The following CLIP4 variants were observed in gnomAD, a reference collection of about 807,000 sequenced individuals.
CLIP4 encodes CAP-Gly domain-containing linker protein 4.
CLIP4 carries 47 observed loss-of-function variants against 73.1 expected under a neutral mutation model. The ratio of observed to expected loss-of-function variants is 0.64; its 90% CI spans 0.51 to 0.82. The LOEUF (loss-of-function observed/expected upper bound fraction) is 0.82. Among genes scored for constraint, CLIP4 ranks in the 40% least tolerant of loss-of-function variants. The pLI is 0.00. For synonymous variants in CLIP4, 306 were observed against 295.4 expected (o/e 1.04, Z -0.37); for missense variants, 874 against 852.9 (o/e 1.02, Z -0.31).
intron 6 of CLIP4, among the ~76,000 whole-genome samples, chr2:29,137,148 C>T (rs1169247632): frequency 6.6e-6 from 1 of 151,974 alleles, no homozygotes; most frequent in African/African-American, 2.4e-5. Flanking sequence ...AGTGAACATA[C>T]CCTAGCCCTT....
intron 1 of CLIP4, among the ~76,000 whole-genome samples, chr2:29,098,939 A>G (rs1032441296): frequency 3.3e-5 from 5 of 152,292 alleles, no homozygotes; most frequent in South Asian, 2.1e-4. Context: ...GGTTGTTTTA[A>G]TCTGCAGCTC....
At chr2:29,157,373 T>G in intron 11 of CLIP4, 26 bp downstream of exon 11, 1 of 1,613,884 alleles carries the variant, frequency 6.2e-7, no homozygotes, top group Non-Finnish European at 8.5e-7. Context: ...TCAACCAGGC[T>G]TTCTTGGTGT....
Position 29,133,835 on chromosome 2 carries a change from C to T in CLIP4, c.529+19C>T, listed in dbSNP as rs202126910. On this transcript the variant is annotated intron_variant, in intron 5 of 15. Transcript: ENST00000320081. ...CCAAAAGGCAAGTATTATAAGATCACCTTTAGATATTATTAACTGAACACT... is the reference window on the plus strand; with the variant it reads ...CCAAAAGGCAAGTATTATAAGATCATCTTTAGATATTATTAACTGAACACT... 1.1e-4 allele frequency: 178 copies of T among 1,558,716 alleles called. 1 individual carries two copies. Among genetic ancestry groups the T allele is most frequent in the South Asian group, 2.3e-4 (19 of 83,016 alleles).
chr2:29,126,044 G>A lies in CLIP4; in HGVS notation c.133+4523G>A, dbSNP rs190547834. Among the ~76,000 whole-genome samples, 578 of 152,140 alleles carry A rather than the reference G, an allele frequency of 3.8e-3. 3 individuals carry two copies. The highest frequency in any genetic ancestry group is 0.013 in the African/African-American group (541 of 41,498). On this transcript the variant is annotated intron_variant, in intron 2 of 15. Transcript: ENST00000320081. Reference sequence around the variant, plus strand: ...ACAAAAATTAGCCGTGTGTGGTGGCGTGCGCCTGTGGTCCCAGCTACTTGG... The same window carrying A: ...ACAAAAATTAGCCGTGTGTGGTGGCATGCGCCTGTGGTCCCAGCTACTTGG...
intron 6 of CLIP4, among the ~76,000 whole-genome samples, chr2:29,139,930 T>C (rs1464598304): frequency 2.0e-5 from 3 of 152,104 alleles, no homozygotes; most frequent in South Asian, 2.1e-4. Flanking sequence ...GAACCATCTT[T>C]TCATTTTGCT....
At chr2:29,104,432 C>A (rs189918037) in intron 1 of CLIP4, among the ~76,000 whole-genome samples, 1 of 151,918 alleles carries the variant, frequency 6.6e-6, no homozygotes, top group Non-Finnish European at 1.5e-5. Context: ...CATGCCACCA[C>A]GCCCAGCTAA....
intron 14 of CLIP4, among the ~76,000 whole-genome samples, chr2:29,172,885 C>CT (rs1255623609): frequency 6.6e-6 from 1 of 151,786 alleles, no homozygotes; most frequent in Non-Finnish European, 1.5e-5. Context: ...GTCTTTTTTT[C>CT]TTTTTTCAAA....
intron 2 of CLIP4, among the ~76,000 whole-genome samples, chr2:29,129,844 T>A (rs1358521752): frequency 2.6e-5 from 4 of 152,202 alleles, no homozygotes; most frequent in Non-Finnish European, 5.9e-5. Context: ...CAAATTATTC[T>A]TTGTAAAGTT....
chr2:29,163,294 G>C (rs909775302), intron 12 of CLIP4, among the ~76,000 whole-genome samples: 1 of 151,548 alleles, frequency 6.6e-6, no homozygotes, highest in African/African-American at 2.4e-5. Context: ...TTTTACCTTG[G>C]GTGGAAAAAA....
At chr2:29,176,525 G>A (rs530707439) in intron 15 of CLIP4, among the ~76,000 whole-genome samples, 8 of 152,276 alleles carry the variant, frequency 5.3e-5, no homozygotes, top group Admixed American at 3.3e-4. Flanking sequence ...TCTCGATCAC[G>A]TATAGAAATG....
rs925725910 is a variant in CLIP4 at position 29,103,578 on chromosome 2, T to C, written c.-16+5631T>C. Among the ~76,000 whole-genome samples the C allele has an allele frequency of 1.8e-4, 28 of 152,290 alleles. 1 individual carries two copies. The highest frequency in any genetic ancestry group is 6.7e-4 in the African/African-American group (28 of 41,568). On this transcript the variant is annotated intron_variant, in intron 1 of 14. Coordinates refer to the CLIP4 transcript ENST00000401605. ...ATACCCATTTCATAAATGAGGGAGCTGAGTTTTTGAGAGGTTATTTTATTT... is the reference window on the plus strand; with the variant it reads ...ATACCCATTTCATAAATGAGGGAGCCGAGTTTTTGAGAGGTTATTTTATTT...
At chr2:29,176,009 C>T (rs1370900948) in intron 15 of CLIP4, among the ~76,000 whole-genome samples, 2 of 152,198 alleles carry the variant, frequency 1.3e-5, no homozygotes, top group Non-Finnish European at 2.9e-5. Flanking sequence ...GATCTGCCCA[C>T]CTTGGCCTCC....
intron 2 of CLIP4, among the ~76,000 whole-genome samples, chr2:29,128,259 T>C (rs992978048): frequency 1.3e-5 from 2 of 151,352 alleles, no homozygotes; most frequent in South Asian, 4.2e-4. Flanking sequence ...AGAGTTAGTC[T>C]AAGGTCAGAA....
intron 5 of CLIP4, among the ~76,000 whole-genome samples, chr2:29,134,647 A>G (rs973957832): frequency 1.3e-5 from 2 of 152,032 alleles, no homozygotes; most frequent in African/African-American, 2.4e-5. Context: ...AGTTGTAGGA[A>G]GGGTATGTGG....
At chr2:29,098,609 C>T (rs1228901320) in intron 1 of CLIP4, among the ~76,000 whole-genome samples, 1 of 152,222 alleles carries the variant, frequency 6.6e-6, no homozygotes, top group Non-Finnish European at 1.5e-5. Flanking sequence ...TATCCATTCA[C>T]TTACTGAGGA....
chr2:29,182,521 GC>G lies in CLIP4; in HGVS notation c.*631del, dbSNP rs1668693452. 1 of 152,380 alleles carries G rather than the reference GC, an allele frequency of 6.6e-6. No individual in the cohort carries two copies. The highest frequency in any genetic ancestry group is 2.1e-4 in the South Asian group (1 of 4,830). The allele number at this position is 152,380 out of a possible 1,614,324, so 9.4% of individuals were successfully genotyped here. A position where few individuals can be genotyped will look rare whatever the true frequency, so the allele number is the denominator to read the frequency against. ...CCCATTGCCAAATACTGAAATGGAA[GC>G]CCGTCTTACCTGGGGTCACTAACTG... On this transcript the variant is annotated 3_prime_UTR_variant, in exon 16 of 16. Transcript: ENST00000320081.
chr2:29,141,997 T>C (rs1665804686), intron 6 of CLIP4, among the ~76,000 whole-genome samples: 1 of 152,134 alleles, frequency 6.6e-6, no homozygotes, highest in Admixed American at 6.5e-5. Context: ...TTTATTAACC[T>C]TTTTCAGGGT....
At chr2:29,179,003 C>T (rs1250975921) in intron 15 of CLIP4, among the ~76,000 whole-genome samples, 2 of 152,226 alleles carry the variant, frequency 1.3e-5, no homozygotes, top group South Asian at 2.1e-4. Flanking sequence ...CCATGCTGGC[C>T]AGGCTGGTCT....
At chr2:29,122,962 C>G (rs1664368423) in intron 2 of CLIP4, among the ~76,000 whole-genome samples, 1 of 151,902 alleles carries the variant, frequency 6.6e-6, no homozygotes, top group South Asian at 2.1e-4. Context: ...ACCATTTAAC[C>G]TCTTGCATGT....
Sources: gnomAD v4.1 joint callset for allele counts (sites outside exome capture counted in the v4.1 genomes callset) on GRCh38, gnomAD v4.1.1 for gene constraint, MANE v1.5 for transcripts, NCBI Gene and HGNC (gene_info 2026-07-23, HGNC 2026-07-21) for gene names.